The following CNTNAP2 variants were observed in gnomAD, a reference collection of about 807,000 sequenced individuals.
The protein encoded by CNTNAP2 is contactin-associated protein-like 2.
A neutral mutation model predicts 155.2 loss-of-function variants in CNTNAP2; 98 were observed. The observed-to-expected ratio is 0.63, with a 90% CI of 0.54 to 0.75. The LOEUF is 0.75. CNTNAP2 is among the 30% of genes least tolerant of loss of function. The pLI is 0.00. For synonymous variants in CNTNAP2, 651 were observed against 631.2 expected, an observed-to-expected ratio of 1.03 and a Z score of -0.47; for missense variants, 1,727 against 1,688.1, an observed-to-expected ratio of 1.02 and a Z score of -0.40.
At chr7:147,628,106 A>G (rs9886077) in intron 12 of CNTNAP2, among the ~76,000 whole-genome samples, 3,095 of 152,290 alleles carry the variant, frequency 0.02, 113 homozygotes, top group African/African-American at 0.07. Context: ...AGAGATCAAG[A>G]TACCCAAATA....
chr7:147,899,840 G>T (rs2110307), intron 13 of CNTNAP2, among the ~76,000 whole-genome samples: 164 of 151,444 alleles, frequency 1.1e-3, no homozygotes, highest in African/African-American at 3.7e-3. Context: ...AGCCGAGATC[G>T]TGCCACTGCA....
chr7:146,416,107 A>G (rs761076303), intron 1 of CNTNAP2, among the ~76,000 whole-genome samples: 2 of 151,836 alleles, frequency 1.3e-5, no homozygotes, highest in African/African-American at 2.4e-5. Context: ...GGATAATTTC[A>G]TAACTTTTTA....
At chr7:146,844,732 C>T (rs188639373) in intron 3 of CNTNAP2, among the ~76,000 whole-genome samples, 1 of 152,240 alleles carries the variant, frequency 6.6e-6, no homozygotes, top group African/African-American at 2.4e-5. Context: ...AGGATAGGAA[C>T]ATACTACAAA....
At chr7:146,519,552 A>G (rs1032954415) in intron 1 of CNTNAP2, among the ~76,000 whole-genome samples, 7 of 151,960 alleles carry the variant, frequency 4.6e-5, no homozygotes, top group African/African-American at 1.7e-4. Flanking sequence ...TTTTCACAGT[A>G]TAACTCAGAA....
chr7:146,197,549 AG>A (rs1241793976), intron 1 of CNTNAP2, among the ~76,000 whole-genome samples: 1 of 152,198 alleles, frequency 6.6e-6, no homozygotes, highest in East Asian at 1.9e-4. Flanking sequence ...ATGTACTCAA[AG>A]CTTGCAGGTT....
At chr7:146,861,752 C>T (rs1198032043) in intron 3 of CNTNAP2, among the ~76,000 whole-genome samples, 4 of 152,156 alleles carry the variant, frequency 2.6e-5, no homozygotes, top group African/African-American at 9.7e-5. Context: ...TGTTACATCG[C>T]TTCATCTGAC....
chr7:146,761,529 AGTTT>A (rs1377485634), intron 1 of CNTNAP2, among the ~76,000 whole-genome samples: 2 of 152,014 alleles, frequency 1.3e-5, no homozygotes, highest in East Asian at 1.9e-4. Context: ...GCTGTTTTTA[AGTTT>A]GTTTGTTTTT....
intron 21 of CNTNAP2, among the ~76,000 whole-genome samples, chr7:148,353,975 C>T (rs1190101554): frequency 6.6e-6 from 1 of 152,138 alleles, no homozygotes; most frequent in Non-Finnish European, 1.5e-5. Context: ...CTATTATCAT[C>T]GAACGTTTCC....
At chr7:147,782,021 T>TA (rs11390927) in intron 13 of CNTNAP2, among the ~76,000 whole-genome samples, 55,284 of 137,810 alleles carry the variant, frequency 0.4, 11,600 homozygotes, top group African/African-American at 0.58. Flanking sequence ...AGATTCCGTT[T>TA]AAAAAAAAAA....
chr7:146,730,555 CT>C (rs1334433484), intron 1 of CNTNAP2, among the ~76,000 whole-genome samples: 1 of 152,102 alleles, frequency 6.6e-6, no homozygotes, highest in East Asian at 1.9e-4. Flanking sequence ...CTTTTATTTT[CT>C]TTTACCTGAT....
chr7:148,125,724 T>G (rs2116620961), intron 16 of CNTNAP2, among the ~76,000 whole-genome samples: 1 of 149,218 alleles, frequency 6.7e-6, no homozygotes, highest in Non-Finnish European at 1.5e-5. Context: ...TTTGGACAGA[T>G]TCTCACTCAC....
At chr7:146,252,964 C>A (rs1408870721) in intron 1 of CNTNAP2, among the ~76,000 whole-genome samples, 1 of 152,126 alleles carries the variant, frequency 6.6e-6, no homozygotes, top group Non-Finnish European at 1.5e-5. Context: ...TTAAATGCTC[C>A]ACTCTACACT....
chr7:148,220,557 G>A (rs911288009), intron 19 of CNTNAP2, among the ~76,000 whole-genome samples: 2 of 151,734 alleles, frequency 1.3e-5, no homozygotes, highest in African/African-American at 4.8e-5. Flanking sequence ...GAAATTTTAT[G>A]TATGTTAAAC....
intron 11 of CNTNAP2, among the ~76,000 whole-genome samples, chr7:147,530,062 A>G (rs1584794404): frequency 1.3e-5 from 2 of 152,314 alleles, no homozygotes; most frequent in East Asian, 3.9e-4. Flanking sequence ...TAACATCTGT[A>G]TTAGTCTGTT....
intron 10 of CNTNAP2, among the ~76,000 whole-genome samples, chr7:147,460,265 A>C (rs2022225): frequency 0.77 from 116,719 of 151,936 alleles, 45,103 homozygotes; most frequent in African/African-American, 0.86. Flanking sequence ...CCTTTTAAGA[A>C]CTATGCCTCT....
intron 1 of CNTNAP2, among the ~76,000 whole-genome samples, chr7:146,488,890 G>A (rs1797098281): frequency 6.6e-6 from 1 of 152,176 alleles, no homozygotes; most frequent in South Asian, 2.1e-4. Context: ...AAACTGTTGG[G>A]ATTACGGGTG....
At chr7:146,150,365 T>G (rs7800594) in intron 1 of CNTNAP2, among the ~76,000 whole-genome samples, 1 of 151,868 alleles carries the variant, frequency 6.6e-6, no homozygotes, top group African/African-American at 2.4e-5. Context: ...GTTGAGCATA[T>G]AGTCACCCTA....
intron 14 of CNTNAP2, among the ~76,000 whole-genome samples, chr7:147,906,918 C>T (rs1799966882): frequency 6.6e-6 from 1 of 152,218 alleles, no homozygotes; most frequent in South Asian, 2.1e-4. Context: ...CACAGTTACT[C>T]AGGGACTTGG....
intron 15 of CNTNAP2, among the ~76,000 whole-genome samples, chr7:148,006,916 T>A (rs369417317): frequency 8.5e-5 from 13 of 152,314 alleles, no homozygotes; most frequent in East Asian, 1.9e-4. Flanking sequence ...TGGGAATATA[T>A]AGAACATTCT....
Sources: allele counts gnomAD v4.1 joint callset (sites outside exome capture counted in the v4.1 genomes callset), GRCh38; gene constraint gnomAD v4.1.1; transcripts MANE v1.5; gene names NCBI Gene and HGNC (gene_info 2026-07-23, HGNC 2026-07-21).